Variants in AKAP10 observed in about 807,000 individuals in gnomAD.
The protein encoded by AKAP10 is A-kinase anchoring protein 10, also known as A-kinase anchor protein 10, mitochondrial.
In AKAP10, 24 loss-of-function variants were observed where a neutral mutation model predicts 80.8. The observed-to-expected ratio is 0.30, with a 90% CI of 0.22 to 0.42. The LOEUF (loss-of-function observed/expected upper bound fraction) is 0.42. Ranked by LOEUF, AKAP10 falls within the 10% of genes least tolerant of loss-of-function variation. The probability of loss-of-function intolerance (pLI) is 1.00; values close to 1 mark genes in which losing one functional copy is unlikely to be tolerated. For missense variants in AKAP10, 661 were observed against 794.9 expected, an observed-to-expected ratio of 0.83 and a Z score of 2.03; for synonymous variants, 291 against 277.7, an observed-to-expected ratio of 1.05 and a Z score of -0.48.
intron 10 of AKAP10, among the ~76,000 whole-genome samples, chr17:19,928,939 T>C (rs116426503): frequency 1.8e-3 from 279 of 152,272 alleles, no homozygotes; most frequent in African/African-American, 6.4e-3. Context: ...AGTAGCATTA[T>C]TGATAAATGG....
At chr17:19,977,274 C>G (rs1213572232) in intron 1 of AKAP10, among the ~76,000 whole-genome samples, 1 of 152,148 alleles carries the variant, frequency 6.6e-6, no homozygotes, top group Non-Finnish European at 1.5e-5. Flanking sequence ...GATCTTGATC[C>G]ACGGTCCTCA....
In AKAP10 at chr17:19,939,796, A is replaced by G; in HGVS notation, c.1239T>C (p.Asp413=). The G allele has an allele frequency of 6.2e-7, 1 of 1,614,060 alleles. No homozygotes were observed. The highest frequency in any genetic ancestry group is 8.5e-7 in the Non-Finnish European group (1 of 1,179,966). ...TGGCAGCAAGCTGAGACTGGAAGTT[A>G]TCTGCTGCCAACCAGAATTGTAAGA... ...VNILQFWLAA[D]NFQSQLAAKK... Residue 413 remains aspartate (D), a synonymous_variant, in exon 8 of 15, where the codon GAT becomes GAC. Transcript: ENST00000225737.
intron 12 of AKAP10, among the ~76,000 whole-genome samples, chr17:19,917,397 C>A (rs2042757249): frequency 6.6e-6 from 1 of 152,190 alleles, no homozygotes; most frequent in East Asian, 1.9e-4. Flanking sequence ...CTGGCCAATG[C>A]CTCACAAAGG....
chr17:19,954,119 A>G (rs1260515617), intron 4 of AKAP10, among the ~76,000 whole-genome samples: 1 of 152,222 alleles, frequency 6.6e-6, no homozygotes, highest in Non-Finnish European at 1.5e-5. Flanking sequence ...CCAATTCTAC[A>G]CAATCTCTTC....
At chr17:19,961,530 C>T (rs2043349630) in intron 3 of AKAP10, among the ~76,000 whole-genome samples, 1 of 152,138 alleles carries the variant, frequency 6.6e-6, no homozygotes. Flanking sequence ...CACATTGACA[C>T]TCTGGTTTGA....
At chr17:19,950,118 T>C (rs866974334) in intron 4 of AKAP10, among the ~76,000 whole-genome samples, 9 of 152,006 alleles carry the variant, frequency 5.9e-5, no homozygotes, top group East Asian at 1.9e-4. Flanking sequence ...GCCTGGCCAA[T>C]ATGGTGAAAC....
chr17:19,928,117 C>T (rs918474055), intron 10 of AKAP10, among the ~76,000 whole-genome samples: 1 of 148,880 alleles, frequency 6.7e-6, no homozygotes, highest in Admixed American at 6.7e-5. Context: ...CCCAGCTACT[C>T]GGGAGGCTGA....
chr17:19,943,863 G>C (rs190403848), intron 5 of AKAP10, among the ~76,000 whole-genome samples: 1 of 152,280 alleles, frequency 6.6e-6, no homozygotes, highest in East Asian at 1.9e-4. Context: ...AACTGACTTA[G>C]AGGACACCCA....
At chr17:19,942,262 T>C (rs896625710) in intron 5 of AKAP10, among the ~76,000 whole-genome samples, 11 of 152,126 alleles carry the variant, frequency 7.2e-5, no homozygotes, top group Middle Eastern at 3.2e-3. Context: ...CTAAGAAATG[T>C]TCCAAAAGAA....
rs1226294952 is a variant in AKAP10 at position 19,905,536 on chromosome 17, T to C, written c.*691A>G. 2 of 152,578 alleles carry C rather than the reference T, an allele frequency of 1.3e-5. No individual in the cohort carries two copies. The highest frequency in any genetic ancestry group is 6.6e-5 in the Admixed American group (1 of 15,264). 9.5% of individuals were successfully genotyped at this position (152,578 alleles called of 1,614,324 possible). On this transcript the variant is annotated 3_prime_UTR_variant, in exon 15 of 15. Coordinates refer to ENST00000225737, the MANE Select transcript of AKAP10 (RefSeq NM_007202.4). ...AGTAAACCAGATTCACACCCTTCTG[T>C]TAGCAGGGGAGAGAATGGTTTTAAG...
intron 12 of AKAP10, among the ~76,000 whole-genome samples, chr17:19,914,628 C>CAAAAAAA (rs36071856): frequency 4.1e-4 from 24 of 58,066 alleles, no homozygotes; most frequent in South Asian, 8.0e-4. Flanking sequence ...GACCCTATCT[C>CAAAAAAA]AAAAAAAAAA....
chr17:19,945,563 A>ACAGC (rs2043094579), intron 5 of AKAP10, among the ~76,000 whole-genome samples: 1 of 152,192 alleles, frequency 6.6e-6, no homozygotes, highest in Non-Finnish European at 1.5e-5. Context: ...TAAGCCACCA[A>ACAGC]CAGCCACCAG....
At chr17:19,924,304 G>A (rs2042850577) in intron 11 of AKAP10, 104 bp downstream of exon 11, 1 of 757,364 alleles carries the variant, frequency 1.3e-6, no homozygotes, top group Non-Finnish European at 2.0e-6. Flanking sequence ...AAAGTTCTGG[G>A]CATATAATAA....
At chr17:19,917,748 C>G (rs1218350056) in intron 12 of AKAP10, among the ~76,000 whole-genome samples, 1 of 151,800 alleles carries the variant, frequency 6.6e-6, no homozygotes, top group Admixed American at 6.6e-5. Flanking sequence ...TAGCAAAACC[C>G]CATCTCTACT....
At chr17:19,941,124 C>T in intron 6 of AKAP10, 114 bp from the exon 7 acceptor site, 1 of 1,062,848 alleles carries the variant, frequency 9.4e-7, no homozygotes, top group Non-Finnish European at 1.3e-6. Context: ...TAGGTCAACA[C>T]TACCTTACTC....
intron 2 of AKAP10, among the ~76,000 whole-genome samples, chr17:19,964,078 A>G (rs530156393): frequency 1.5e-4 from 23 of 152,306 alleles, no homozygotes; most frequent in Admixed American, 3.3e-4. Context: ...TTTCAATGTT[A>G]AAAGAAGGTT....
chr17:19,929,620 C>T (rs1287356559), intron 10 of AKAP10: 1 of 151,992 alleles, frequency 6.6e-6, no homozygotes, highest in African/African-American at 2.4e-5. Context: ...TATATAGTAT[C>T]AACAAAAGGT....
intron 12 of AKAP10, among the ~76,000 whole-genome samples, chr17:19,911,093 C>T (rs944417524): frequency 2.0e-5 from 3 of 152,104 alleles, no homozygotes; most frequent in Non-Finnish European, 4.4e-5. Context: ...ATCCTTTTCC[C>T]TCAATTTTTA....
intron 10 of AKAP10, among the ~76,000 whole-genome samples, chr17:19,925,420 G>A (rs575625742): frequency 1.3e-5 from 2 of 152,206 alleles, no homozygotes; most frequent in African/African-American, 4.8e-5. Flanking sequence ...CTAGCCAGCT[G>A]AGTACAGCAA....
Sources: gnomAD v4.1 joint callset for allele counts (sites outside exome capture counted in the v4.1 genomes callset) on GRCh38, gnomAD v4.1.1 for gene constraint, MANE v1.5 for transcripts, NCBI Gene and HGNC (gene_info 2026-07-23, HGNC 2026-07-21) for gene names.